Variants in UNC5C observed in about 807,000 individuals in gnomAD.
UNC5C encodes netrin receptor UNC5C.
In UNC5C, 47 loss-of-function variants were observed where a neutral mutation model predicts 99.8. The observed-to-expected ratio is 0.47, with a 90% confidence interval of 0.37 to 0.60. UNC5C has a LOEUF of 0.60. Among genes scored for constraint, UNC5C ranks in the 20% least tolerant of loss-of-function variants. The pLI, the probability that UNC5C is intolerant of heterozygous loss-of-function variation, is 0.00. For missense variants in UNC5C, 1,062 were observed against 1,165.9 expected (o/e 0.91, Z 1.30); for synonymous variants, 487 against 452.2 (o/e 1.08, Z -0.98).
chr4:95,170,009 C>A lies in UNC5C; in HGVS notation c.2630+145G>T. On this transcript the variant is annotated intron_variant, in intron 15 of 15. Coordinates refer to ENST00000453304, the MANE Select transcript of UNC5C (RefSeq NM_003728.4). ...AAGCCCGTAGTGCAAGGTACAAGGACAGAGCTTAATGCATATTTGCAAAAT... is the reference window on the plus strand; with the variant it reads ...AAGCCCGTAGTGCAAGGTACAAGGAAAGAGCTTAATGCATATTTGCAAAAT... 3.9e-6 allele frequency: 4 copies of A among 1,034,236 alleles called. No individual in the cohort carries two copies. In the South Asian group the frequency reaches 6.6e-5, roughly 17 times the overall value. 64.1% of individuals were successfully genotyped at this position (1,034,236 alleles called of 1,614,324 possible).
intron 1 of UNC5C, among the ~76,000 whole-genome samples, chr4:95,530,891 CT>C (rs1320969038): frequency 1.3e-5 from 2 of 152,050 alleles, no homozygotes; most frequent in African/African-American, 4.8e-5. Flanking sequence ...ATTCGATGAC[CT>C]TTGAAACCAT....
intron 1 of UNC5C, among the ~76,000 whole-genome samples, chr4:95,534,196 A>G (rs1476324933): frequency 1.3e-5 from 2 of 152,200 alleles, no homozygotes; most frequent in Non-Finnish European, 2.9e-5. Flanking sequence ...AATCAGTTTT[A>G]TAGACCTACT....
intron 1 of UNC5C, among the ~76,000 whole-genome samples, chr4:95,481,442 A>T (rs1385146702): frequency 6.6e-6 from 1 of 151,964 alleles, no homozygotes; most frequent in African/African-American, 2.4e-5. Flanking sequence ...GCCCAAGGTA[A>T]TCTATAGATT....
At chr4:95,497,945 G>A (rs1301472930) in intron 1 of UNC5C, among the ~76,000 whole-genome samples, 1 of 151,824 alleles carries the variant, frequency 6.6e-6, no homozygotes, top group Non-Finnish European at 1.5e-5. Context: ...ATTCAACTTA[G>A]TGAGCAGATA....
At chr4:95,429,671 C>T (rs1359778500) in intron 1 of UNC5C, among the ~76,000 whole-genome samples, 1 of 152,094 alleles carries the variant, frequency 6.6e-6, no homozygotes, top group Admixed American at 6.6e-5. Context: ...GTGGAGTCAA[C>T]ACATCCAATT....
intron 5 of UNC5C, among the ~76,000 whole-genome samples, chr4:95,250,022 G>C (rs1212505114): frequency 6.6e-6 from 1 of 152,166 alleles, no homozygotes; most frequent in Non-Finnish European, 1.5e-5. Context: ...ACTCAATCTA[G>C]ATCTTGGTGG....
Position 95,181,750 on chromosome 4 carries a change from G to A in UNC5C, c.2451+1147C>T, listed in dbSNP as rs938393358. 2.0e-4 allele frequency among the ~76,000 whole-genome samples: 30 copies of A among 152,172 alleles called. No individual in the cohort carries two copies. In the South Asian group the frequency reaches 2.9e-3, roughly 15 times the overall value. On this transcript the variant is annotated intron_variant, in intron 14 of 15. Coordinates refer to ENST00000453304, the MANE Select transcript of UNC5C (RefSeq NM_003728.4). ...GAAACTACAGGAGGAAATGATGACC[G>A]CACCTCGGCAGGCTGTGGGAAAGAA...
At chr4:95,484,026 C>A (rs1235713237) in intron 1 of UNC5C, among the ~76,000 whole-genome samples, 1 of 151,602 alleles carries the variant, frequency 6.6e-6, no homozygotes, top group Non-Finnish European at 1.5e-5. Context: ...AGGTCACATT[C>A]CAGTAGGAAG....
chr4:95,250,816 C>T, intron 4 of UNC5C, 149 bp from the exon 5 acceptor site: 1 of 812,120 alleles, frequency 1.2e-6, no homozygotes, highest in Non-Finnish European at 1.9e-6. Flanking sequence ...TGTTCCAGGC[C>T]ATGAACTTCT....
rs138342071 is a variant in UNC5C at position 95,321,776 on chromosome 4, C to T, written c.346+13634G>A. Among the ~76,000 whole-genome samples the T allele has an allele frequency of 9.5e-4, 145 of 152,176 alleles. 1 individual carries two copies. Among genetic ancestry groups the T allele is most frequent in the African/African-American group, 2.8e-3 (116 of 41,534 alleles). ...TGAGAAAACATTACACCTTTCAATCCGGGACAATTGATATTCTGTTATGAC... is the reference window on the plus strand; with the variant it reads ...TGAGAAAACATTACACCTTTCAATCTGGGACAATTGATATTCTGTTATGAC... On this transcript the variant is annotated intron_variant, in intron 2 of 15. Transcript: ENST00000453304.
intron 4 of UNC5C, among the ~76,000 whole-genome samples, chr4:95,254,627 C>A (rs1739884954): frequency 6.6e-6 from 1 of 152,188 alleles, no homozygotes; most frequent in African/African-American, 2.4e-5. Context: ...CCACCTATTA[C>A]CAAATCAAAA....
intron 1 of UNC5C, among the ~76,000 whole-genome samples, chr4:95,345,362 A>G (rs1743733100): frequency 6.6e-6 from 1 of 151,940 alleles, no homozygotes; most frequent in African/African-American, 2.4e-5. Context: ...TATATAAATC[A>G]AATATTAGAG....
intron 14 of UNC5C, among the ~76,000 whole-genome samples, chr4:95,172,597 A>C (rs1254431885): frequency 6.6e-6 from 1 of 151,678 alleles, no homozygotes; most frequent in South Asian, 2.1e-4. Flanking sequence ...CCATTGGTCT[A>C]TATCTCTGTT....
In UNC5C at chr4:95,185,034, T is replaced by C; in HGVS notation, c.2286+13A>G. ...GATGTCTCCAGACCTTTTGTTCGGC[T>C]TGGGAACCTTACCTGATATTTAGCC... is the stretch of plus-strand genomic sequence containing the variant. On this transcript the variant is annotated intron_variant, in intron 13 of 15. Coordinates refer to ENST00000453304, the MANE Select transcript of UNC5C (RefSeq NM_003728.4). The C allele has an allele frequency of 1.9e-6, 3 of 1,606,712 alleles. No individual in the cohort carries two copies. Among genetic ancestry groups the C allele is most frequent in the South Asian group, 1.1e-5 (1 of 89,784 alleles).
At chr4:95,453,099 G>A (rs767048556) in intron 1 of UNC5C, among the ~76,000 whole-genome samples, 35 of 152,174 alleles carry the variant, frequency 2.3e-4, no homozygotes, top group South Asian at 2.1e-4. Context: ...TCCATAGGCC[G>A]TCATCTAACT....
intron 1 of UNC5C, among the ~76,000 whole-genome samples, chr4:95,532,813 A>G (rs1394978458): frequency 2.0e-5 from 3 of 151,998 alleles, no homozygotes; most frequent in Admixed American, 2.0e-4. Context: ...GGAGATTGTA[A>G]TGACAGGGAA....
chr4:95,442,369 A>ATTTT (rs5860407), intron 1 of UNC5C, among the ~76,000 whole-genome samples: 2 of 126,346 alleles, frequency 1.6e-5, no homozygotes, highest in Non-Finnish European at 3.3e-5. Flanking sequence ...TGCCCAGCTA[A>ATTTT]TTTTTTTTTT....
chr4:95,503,215 C>T (rs1721822563), intron 1 of UNC5C, among the ~76,000 whole-genome samples: 1 of 152,040 alleles, frequency 6.6e-6, no homozygotes, highest in Non-Finnish European at 1.5e-5. Flanking sequence ...AGAGAGGCCC[C>T]TTCTTGGTTT....
At position 95,278,281 on chromosome 4, in the gene UNC5C, G is replaced by C; in HGVS notation, c.572C>G (p.Pro191Arg). 6.2e-7 allele frequency: 1 copy of C among 1,614,048 alleles called. No individual in the cohort carries two copies. Among genetic ancestry groups the C allele is most frequent in the Non-Finnish European group, 8.5e-7 (1 of 1,179,972 alleles). ...EQEVLLQCRP[P>R]EGIPVAEVEW... ...CACCTCAGCCACTGGGATCCCTTCA[G>C]GTGGTCGACACTGGAGTAAGACTTC... Residue 191 changes from proline (P) to arginine (R), a missense_variant, in exon 4 of 16, where the codon CCT (proline) becomes CGT (arginine). Coordinates refer to ENST00000453304, the MANE Select transcript of UNC5C (RefSeq NM_003728.4).
Sources: allele counts gnomAD v4.1 joint callset (sites outside exome capture counted in the v4.1 genomes callset), GRCh38; gene constraint gnomAD v4.1.1; transcripts MANE v1.5; gene names NCBI Gene and HGNC (gene_info 2026-07-23, HGNC 2026-07-21).